DDX10: variants seen among roughly 807,000 people sequenced by gnomAD.
DDX10 encodes the protein DEAD-box helicase 10, also known as probable ATP-dependent RNA helicase DDX10.
Under a neutral mutation model 104.3 loss-of-function variants are expected in DDX10, and 74 were observed. The observed-to-expected ratio is 0.71, with a 90% CI of 0.59 to 0.86. The LOEUF is 0.86. Among genes scored for constraint, DDX10 ranks in the 40% least tolerant of loss-of-function variants. DDX10 has a pLI of 0.00. For synonymous variants in DDX10, 351 were observed against 353.4 expected (o/e 0.99, Z 0.08); for missense variants, 952 against 1,040.0 (o/e 0.92, Z 1.16).
chr11:108,725,262 T>A (rs1464513595), intron 13 of DDX10, among the ~76,000 whole-genome samples: 2 of 152,140 alleles, frequency 1.3e-5, no homozygotes, highest in Non-Finnish European at 2.9e-5. Flanking sequence ...ATGACAAAAG[T>A]CATTATAAAC....
chr11:108,854,579 TA>T (rs1293754848), intron 16 of DDX10, among the ~76,000 whole-genome samples: 1 of 152,218 alleles, frequency 6.6e-6, no homozygotes, highest in Non-Finnish European at 1.5e-5. Flanking sequence ...AATGTAGTCA[TA>T]GCTGTTTATA....
At chr11:108,677,298 T>G in intron 4 of DDX10, 55 bp downstream of exon 4, 2 of 1,496,996 alleles carry the variant, frequency 1.3e-6, no homozygotes, top group Non-Finnish European at 1.8e-6. Context: ...ACTGGAGTAC[T>G]GTGGCCGATG....
At chr11:108,802,207 T>A (rs1862032114) in intron 13 of DDX10, among the ~76,000 whole-genome samples, 1 of 152,118 alleles carries the variant, frequency 6.6e-6, no homozygotes, top group African/African-American at 2.4e-5. Context: ...TATTTTGGAA[T>A]ATTTGCATTA....
At chr11:108,761,965 GTT>G (rs2094351382) in intron 13 of DDX10, among the ~76,000 whole-genome samples, 1 of 152,192 alleles carries the variant, frequency 6.6e-6, no homozygotes, top group South Asian at 2.1e-4. Flanking sequence ...AAAAATCAAA[GTT>G]TGAGTTACTG....
chr11:108,860,102 A>G (rs887787336), intron 16 of DDX10, among the ~76,000 whole-genome samples: 5 of 152,196 alleles, frequency 3.3e-5, no homozygotes, highest in African/African-American at 1.2e-4. Context: ...GAGAACTATT[A>G]TAAGACTTGA....
At chr11:108,792,651 G>C (rs962185758) in intron 13 of DDX10, among the ~76,000 whole-genome samples, 2 of 151,906 alleles carry the variant, frequency 1.3e-5, no homozygotes, top group African/African-American at 4.8e-5. Flanking sequence ...CTTGATTACT[G>C]TAGCTTTATA....
At chr11:108,688,611 A>G (rs1051442927) in intron 6 of DDX10, among the ~76,000 whole-genome samples, 3 of 152,168 alleles carry the variant, frequency 2.0e-5, no homozygotes, top group Non-Finnish European at 2.9e-5. Context: ...CTAAAGCCCT[A>G]ATGAGATGTG....
At chr11:108,667,832 T>C (rs1249865341) in intron 1 of DDX10, among the ~76,000 whole-genome samples, 1 of 152,260 alleles carries the variant, frequency 6.6e-6, no homozygotes, top group African/African-American at 2.4e-5. Flanking sequence ...TTAGGGCTAC[T>C]GTGCATCTGT....
At chr11:108,815,550 A>G (rs189402562) in intron 13 of DDX10, among the ~76,000 whole-genome samples, 3 of 152,334 alleles carry the variant, frequency 2.0e-5, no homozygotes, top group South Asian at 2.1e-4. Flanking sequence ...ATATTGTTCA[A>G]GGGTCAACTG....
chr11:108,877,802 T>A (rs1199619057), intron 16 of DDX10, among the ~76,000 whole-genome samples: 2 of 152,214 alleles, frequency 1.3e-5, no homozygotes, highest in African/African-American at 4.8e-5. Context: ...AAACGCACAG[T>A]TCCCATTTGC....
At chr11:108,866,541 T>C (rs1863009893) in intron 16 of DDX10, among the ~76,000 whole-genome samples, 1 of 152,106 alleles carries the variant, frequency 6.6e-6, no homozygotes, top group East Asian at 1.9e-4. Context: ...TACCAGTAAC[T>C]GAATGGAACA....
At chr11:108,788,864 G>T (rs1861832008) in intron 13 of DDX10, among the ~76,000 whole-genome samples, 1 of 152,222 alleles carries the variant, frequency 6.6e-6, no homozygotes, top group African/African-American at 2.4e-5. Flanking sequence ...GTTGGTGGGA[G>T]AGAGAGATGA....
chr11:108,716,102 A>ATT (rs879827183), intron 11 of DDX10, 136 bp downstream of exon 11: 130 of 510,134 alleles, frequency 2.5e-4, no homozygotes, highest in African/African-American at 1.8e-3. Context: ...AGTCTAGCTT[A>ATT]TTTTTTTTTT....
intron 15 of DDX10, among the ~76,000 whole-genome samples, chr11:108,842,884 A>G (rs1862660436): frequency 6.6e-6 from 1 of 152,212 alleles, no homozygotes; most frequent in South Asian, 2.1e-4. Context: ...AGTAAAAGAA[A>G]TATGAAGGAT....
intron 9 of DDX10, among the ~76,000 whole-genome samples, chr11:108,695,165 A>C (rs1321469829): frequency 6.6e-6 from 1 of 152,212 alleles, no homozygotes; most frequent in Non-Finnish European, 1.5e-5. Flanking sequence ...TAGAGAGCTG[A>C]ATAAAGTTTC....
chr11:108,756,425 T>C (rs1165735146), intron 13 of DDX10, among the ~76,000 whole-genome samples: 1 of 152,078 alleles, frequency 6.6e-6, no homozygotes, highest in African/African-American at 2.4e-5. Flanking sequence ...ATAAGGCCAC[T>C]GAATAGATCA....
At chr11:108,826,487 C>T (rs538043667) in intron 13 of DDX10, among the ~76,000 whole-genome samples, 3 of 152,196 alleles carry the variant, frequency 2.0e-5, no homozygotes, top group Admixed American at 1.3e-4. Flanking sequence ...TATATTTTAG[C>T]TATGGACCTC....
intron 11 of DDX10, 55 bp from the exon 12 acceptor site, chr11:108,719,742 C>A: frequency 2.6e-6 from 3 of 1,141,120 alleles, no homozygotes; most frequent in South Asian, 2.8e-5. Flanking sequence ...ATATTTTGGT[C>A]TAAACTCATT....
intron 13 of DDX10, among the ~76,000 whole-genome samples, chr11:108,827,925 CACATA>C (rs1157934334): frequency 6.6e-6 from 1 of 152,108 alleles, no homozygotes; most frequent in African/African-American, 2.4e-5. Context: ...TGGTAGAAGA[CACATA>C]ACATAAAATC....
Sources: allele counts gnomAD v4.1 joint callset (sites outside exome capture counted in the v4.1 genomes callset), GRCh38; gene constraint gnomAD v4.1.1; transcripts MANE v1.5; gene names NCBI Gene and HGNC (gene_info 2026-07-23, HGNC 2026-07-21).